BTNL2: variants seen among roughly 807,000 people sequenced by gnomAD.
BTNL2 encodes the protein butyrophilin-like protein 2.
Under a neutral mutation model 46.8 loss-of-function variants are expected in BTNL2, and 46 were observed. The ratio of observed to expected loss-of-function variants is 0.98; its 90% confidence interval spans 0.78 to 1.26. The LOEUF is 1.26. BTNL2 is among the 50% of genes most tolerant of loss of function. The pLI is 0.00. For missense variants in BTNL2, 461 were observed against 592.6 expected (o/e 0.78, Z 2.31); for synonymous variants, 226 against 229.1 (o/e 0.99, Z 0.12).
At chr6:32,404,858 T>A (rs62404575) in intron 2 of BTNL2, 81 bp downstream of exon 2, 111,009 of 1,320,518 alleles carry the variant, frequency 0.084, 6,151 homozygotes, top group East Asian at 0.19. Flanking sequence ...TTCAAAAGGA[T>A]TTCCTCAACT....
At chr6:32,404,389 G>A (rs1388797459) in intron 2 of BTNL2, among the ~76,000 whole-genome samples, 3 of 150,828 alleles carry the variant, frequency 2.0e-5, no homozygotes, top group Non-Finnish European at 4.4e-5. Flanking sequence ...CCCATTCACA[G>A]AGGGTGTGTC....
rs1221345562 is a variant in BTNL2 at position 32,402,899 on chromosome 6, A to T, written c.709+36T>A. ...GCAGTCCCTGGGACCTCTCCTGCTG[A>T]TCTGAGCATGTGGGTCCTAGAGGCA... On this transcript the variant is annotated intron_variant, in intron 3 of 7. Coordinates refer to ENST00000454136, the MANE Select transcript of BTNL2 (RefSeq NM_001304561.2). 1.9e-6 allele frequency: 3 copies of T among 1,601,070 alleles called. No homozygotes were observed. The South Asian group carries it at 3.3e-5, about 18-fold the overall frequency.
intron 4 of BTNL2, among the ~76,000 whole-genome samples, chr6:32,397,475 G>A (rs117866892): frequency 0.012 from 1,861 of 152,292 alleles, 69 homozygotes; most frequent in East Asian, 0.11. Context: ...CTGATTCTGA[G>A]GGATGGCTTG....
rs118128590 is a variant in BTNL2, at chr6:32,396,559, C to T, written c.731-173G>A. On this transcript the variant is annotated intron_variant, in intron 4 of 7. Transcript: ENST00000454136. This position sits in a 1 kb window ranked among gnomAD's most constrained non-coding sequence, Gnocchi z 4.4. ...TTTCATGGACTCAGAATAGAGGTTG[C>T]TCTTCTTTAAGGAGGAATCATTCCA... 14,960 of 654,444 alleles carry T rather than the reference C, an allele frequency of 0.023. 881 individuals carry two copies. Among genetic ancestry groups the T allele is most frequent in the East Asian group, 0.17 (6,005 of 36,292 alleles). 40.5% of individuals were successfully genotyped at this position (654,444 alleles called of 1,614,324 possible).
At position 32,403,038 on chromosome 6, in the gene BTNL2, C is replaced by T. The variant is rs147483338; in HGVS notation, c.606G>A (p.Ala202=). The T allele has an allele frequency of 2.5e-3, 4,096 of 1,612,852 alleles. 70 individuals carry two copies. The South Asian group carries it at 0.034, about 13-fold the overall frequency. The change falls in exon 3 of 8, where the codon GCG becomes GCA. Residue 202 remains alanine (A), a synonymous_variant. Transcript: ENST00000454136. ...RIQDKDGLFY[A]EATLVVRNAS... ...CGTTCCTGACCACCAGGGTGGCTTC[C>T]GCATAGAACAGGCCATCTTTATCTT...
chr6:32,393,803 G>C lies in BTNL2; in HGVS notation c.*6+160C>G, dbSNP rs147988178. 1.3e-3 allele frequency: 1,216 copies of C among 972,794 alleles called. 11 individuals are homozygous for C. In the African/African-American group the frequency reaches 0.018, roughly 14 times the overall value. The allele number at this position is 972,794 out of a possible 1,614,324, so 60.3% of individuals were successfully genotyped here. On this transcript the variant is annotated intron_variant, in intron 7 of 7. Coordinates refer to ENST00000454136, the MANE Select transcript of BTNL2 (RefSeq NM_001304561.2). This position sits in a 1 kb window ranked among gnomAD's most constrained non-coding sequence, Gnocchi z 4.8. The stretch of plus-strand genomic sequence containing the variant: ...CCTCATGCATCACTGAGCCTGGATT[G>C]CATGATAAGCCCTGGGCTTTCCTGT...
At chr6:32,405,487 C>A (rs1162163283) in intron 1 of BTNL2, 2 of 679,072 alleles carry the variant, frequency 2.9e-6, no homozygotes, top group Non-Finnish European at 5.3e-6. Context: ...AAATGCAGTT[C>A]AAAAATGTGG....
chr6:32,401,578 C>T (rs3763304), intron 4 of BTNL2, among the ~76,000 whole-genome samples: 27,113 of 152,058 alleles, frequency 0.18, 2,711 homozygotes, highest in East Asian at 0.22. Flanking sequence ...CTCCATGAGC[C>T]CCCAAAGTGT....
intron 4 of BTNL2, among the ~76,000 whole-genome samples, chr6:32,397,359 A>G (rs116843571): frequency 0.012 from 1,851 of 152,282 alleles, 67 homozygotes; most frequent in East Asian, 0.11. Context: ...GCTGCAACCA[A>G]TAGAGCTGTC....
At chr6:32,403,752 T>A (rs1432996735) in intron 2 of BTNL2, 1 of 155,434 alleles carries the variant, frequency 6.4e-6, no homozygotes, top group Non-Finnish European at 1.4e-5. Context: ...AATGCGAATC[T>A]CCACGAGGCG....
rs1470536895 is a variant in BTNL2, at chr6:32,399,805, T to C, written c.730+1980A>G. On this transcript the variant is annotated intron_variant, in intron 4 of 7. Coordinates refer to ENST00000454136, the MANE Select transcript of BTNL2 (RefSeq NM_001304561.2). This position sits in a 1 kb window ranked among gnomAD's most constrained non-coding sequence, Gnocchi z 5.2. ...CTATTATTTTTATAAATGAAAAACA[T>C]TATTTGTAAGACTACAAGCAGTGAT... Among the ~76,000 whole-genome samples the C allele has an allele frequency of 6.6e-6, 1 of 152,176 alleles. No individual in the cohort carries two copies. The highest frequency in any genetic ancestry group is 2.4e-5 in the African/African-American group (1 of 41,434).
intron 1 of BTNL2, 190 bp downstream of exon 1, chr6:32,406,855 C>T: frequency 1.9e-6 from 1 of 533,066 alleles, no homozygotes; most frequent in Non-Finnish European, 3.4e-6. Flanking sequence ...AAGTAACTTT[C>T]CAAAGGTGAC....
intron 5 of BTNL2, among the ~76,000 whole-genome samples, chr6:32,395,438 T>C (rs1980493): frequency 0.12 from 18,813 of 152,118 alleles, 1,280 homozygotes; most frequent in Non-Finnish European, 0.15. Context: ...CAACATGCGC[T>C]CCCATGGCTA....
chr6:32,401,645 G>T, intron 4 of BTNL2, 140 bp downstream of exon 4: 2 of 692,252 alleles, frequency 2.9e-6, no homozygotes, highest in East Asian at 2.8e-5. Flanking sequence ...GGTCTCCTCT[G>T]GTATTTAATG....
chr6:32,406,824 G>C (rs1777181953), intron 1 of BTNL2: 5 of 420,030 alleles, frequency 1.2e-5, no homozygotes, highest in Admixed American at 3.5e-5. Flanking sequence ...AAAGATGAAA[G>C]AACTAAGGTA....
intron 2 of BTNL2, among the ~76,000 whole-genome samples, chr6:32,404,110 G>GA (rs80079921): frequency 0.036 from 5,388 of 150,656 alleles, 259 homozygotes; most frequent in African/African-American, 0.1. Context: ...TGGATGTTAA[G>GA]AAAAAAAAAG....
chr6:32,401,711 GTGGTAGCTCCCCTCCCTC>G, intron 4 of BTNL2, 56 bp downstream of exon 4: 1 of 1,425,206 alleles, frequency 7.0e-7, no homozygotes, highest in East Asian at 2.3e-5. Context: ...ACATGGTCTC[GTGGTAGCTCCCCTCCCTC>G]TGCTGGGGAG....
rs2076527 is a variant in BTNL2, at chr6:32,396,437, T to C, written c.731-51A>G. 23,125 of 1,500,718 alleles carry C rather than the reference T, an allele frequency of 0.015. 1,092 individuals are homozygous for C. In the East Asian group the frequency reaches 0.16, roughly 10 times the overall value. The allele number at this position is 1,500,718 out of a possible 1,614,324, so 93.0% of individuals were successfully genotyped here. On this transcript the variant is annotated intron_variant, in intron 4 of 7. Transcript: ENST00000454136. The surrounding 1 kb of genome is among the most constrained non-coding windows in gnomAD (Gnocchi z 4.4). ...AATGAAAGAATCAAAATGGAACCAA[T>C]AATGTCATCTCTAAGAACAGCTCCA...
At position 32,399,319 on chromosome 6, in the gene BTNL2, C is replaced by T. The variant is rs1388770492; in HGVS notation, c.730+2466G>A. Among the ~76,000 whole-genome samples, 6 of 152,196 alleles carry T rather than the reference C, an allele frequency of 3.9e-5. No individual in the cohort carries two copies. The highest frequency in any genetic ancestry group is 1.2e-4 in the African/African-American group (5 of 41,442). ...TATCCACTGAAAAATTAATTCCCTT[C>T]TGGAGCGTGAAGTACACTGAATTAT... On this transcript the variant is annotated intron_variant, in intron 4 of 7. Coordinates refer to ENST00000454136, the MANE Select transcript of BTNL2 (RefSeq NM_001304561.2). This position sits in a 1 kb window ranked among gnomAD's most constrained non-coding sequence, Gnocchi z 5.2.
Sources: gnomAD v4.1 joint callset for allele counts (sites outside exome capture counted in the v4.1 genomes callset) on GRCh38, gnomAD v4.1.1 for gene constraint, Gnocchi (gnomAD v3.1) non-coding constraint, MANE v1.5 for transcripts, NCBI Gene and HGNC (gene_info 2026-07-23, HGNC 2026-07-21) for gene names.